The following ZFC3H1 variants were observed in gnomAD, a reference collection of about 807,000 sequenced individuals.
ZFC3H1 encodes the protein zinc finger C3H1-type containing, also known as zinc finger C3H1 domain-containing protein.
In ZFC3H1, 71 loss-of-function variants were observed where a neutral mutation model predicts 243.7. The observed-to-expected ratio is 0.29, with a 90% confidence interval of 0.24 to 0.36. ZFC3H1 has a LOEUF of 0.36. Among genes scored for constraint, ZFC3H1 ranks in the 10% least tolerant of loss-of-function variants. ZFC3H1 has a pLI of 1.00. For synonymous variants in ZFC3H1, 838 were observed against 813.0 expected, an observed-to-expected ratio of 1.03 and a Z score of -0.52; for missense variants, 1,966 against 2,317.1, an observed-to-expected ratio of 0.85 and a Z score of 3.11.
intron 6 of ZFC3H1, among the ~76,000 whole-genome samples, chr12:71,641,860 T>TA (rs1565820568): frequency 1.3e-5 from 2 of 152,228 alleles, no homozygotes; most frequent in Non-Finnish European, 2.9e-5. Flanking sequence ...CTTCACTTTT[T>TA]ATTTTTTGAG....
At chr12:71,637,575 AAACT>A (rs1434655592) in intron 7 of ZFC3H1, among the ~76,000 whole-genome samples, 2 of 152,248 alleles carry the variant, frequency 1.3e-5, no homozygotes, top group African/African-American at 4.8e-5. Flanking sequence ...TCTATAAAGG[AAACT>A]AATTTTACAC....
At chr12:71,611,950 C>T in intron 31 of ZFC3H1, 63 bp from the exon 32 acceptor site, 1 of 948,120 alleles carries the variant, frequency 1.1e-6, no homozygotes, top group Non-Finnish European at 1.6e-6. Context: ...CAAATGTGCT[C>T]TATGAGCACA....
At chr12:71,658,282 A>ATTTTT (rs11454442) in intron 1 of ZFC3H1, among the ~76,000 whole-genome samples, 42 of 92,816 alleles carry the variant, frequency 4.5e-4, no homozygotes, top group South Asian at 8.1e-4. Context: ...TCATTTATAG[A>ATTTTT]TTTTTTTTTT....
At chr12:71,611,356 A>G in intron 32 of ZFC3H1, 1 of 269,676 alleles carries the variant, frequency 3.7e-6, no homozygotes, top group Non-Finnish European at 6.7e-6. Context: ...AGAAAAAAAA[A>G]ACAACAACAA....
In ZFC3H1 at chr12:71,611,724, T is replaced by C. The variant is rs572053852; in HGVS notation, c.5729+62A>G. The C allele has an allele frequency of 1.2e-5, 11 of 910,000 alleles. No homozygotes were observed. In the South Asian group the frequency reaches 1.4e-4, roughly 11 times the overall value. The allele number at this position is 910,000 out of a possible 1,614,324, so 56.4% of individuals were successfully genotyped here. A position where few individuals can be genotyped will look rare whatever the true frequency, so the allele number is the denominator to read the frequency against. The stretch of plus-strand genomic sequence containing the variant: ...AGATGTCATTTCAGATTTACCTGTC[T>C]GGAGCAAACCTTATAAATAAAAGCA... On this transcript the variant is annotated intron_variant, in intron 32 of 34. Transcript: ENST00000378743.
Position 71,626,456 on chromosome 12 carries a change from TAAAAG to T in ZFC3H1, c.4131-15_4131-11del. 2 of 1,579,806 alleles carry T rather than the reference TAAAAG, an allele frequency of 1.3e-6. No homozygotes were observed. Among genetic ancestry groups the T allele is most frequent in the Non-Finnish European group, 1.7e-6 (2 of 1,162,384 alleles). On this transcript the variant is annotated splice_polypyrimidine_tract_variant and intron_variant, in intron 21 of 34. Transcript: ENST00000378743. ...GGATTCTGAGCACTCCCTGTATATA[TAAAAG>T]AAAAGGTGGAAGTGCTTTTTAGAAC...
chr12:71,627,636 C>T (rs1880202664), intron 21 of ZFC3H1, 115 bp downstream of exon 21: 5 of 983,008 alleles, frequency 5.1e-6, no homozygotes, highest in African/African-American at 1.7e-5. Flanking sequence ...TGTCAAAAAA[C>T]AAAGACTCCA....
intron 31 of ZFC3H1, among the ~76,000 whole-genome samples, chr12:71,612,913 T>G (rs1460658257): frequency 6.6e-6 from 1 of 152,172 alleles, no homozygotes; most frequent in Non-Finnish European, 1.5e-5. Flanking sequence ...AGGTCAGGAA[T>G]CTACATTTTA....
At chr12:71,611,698 TAG>T in intron 32 of ZFC3H1, 86 bp downstream of exon 32, 22 of 341,488 alleles carry the variant, frequency 6.4e-5, no homozygotes, top group Non-Finnish European at 7.5e-5. Flanking sequence ...TATATATATA[TAG>T]ATGTCATTTC....
In ZFC3H1 at chr12:71,663,494, C is replaced by G; in HGVS notation, c.117G>C (p.Arg39=). 1.2e-6 allele frequency: 2 copies of G among 1,613,358 alleles called. No individual in the cohort carries two copies. The highest frequency in any genetic ancestry group is 1.7e-6 in the Non-Finnish European group (2 of 1,180,008). ...DDDNNSQIRS[R]SSSSSSGGGL... is the part of the protein sequence containing the mutation. ...CGCCGCCGCTGCTGCTGCTGCTGCT[C>G]CGACTCCGTATCTGGCTGTTATTAT... Residue 39 remains arginine, a synonymous_variant, in exon 1 of 35, where the codon CGG becomes CGC. Coordinates refer to ENST00000378743, the MANE Select transcript of ZFC3H1 (RefSeq NM_144982.5).
At chr12:71,627,448 T>C (rs1220738326) in intron 21 of ZFC3H1, among the ~76,000 whole-genome samples, 1 of 152,122 alleles carries the variant, frequency 6.6e-6, no homozygotes, top group Admixed American at 6.5e-5. Context: ...TAAAAAACAA[T>C]CAACCATTCC....
intron 3 of ZFC3H1, 139 bp downstream of exon 3, chr12:71,647,610 G>C (rs1030921878): frequency 9.4e-6 from 5 of 531,344 alleles, no homozygotes; most frequent in Non-Finnish European, 1.6e-5. Flanking sequence ...TTTCTTTAAG[G>C]CTTATGTCCA....
rs374975834 is a variant in ZFC3H1, at chr12:71,658,820, C to A, written c.599-1519G>T. ...TCTAGTAAATCTCTGGTTCTCTGAT[C>A]TCTTCAAAGCCAAGTATCCTGAAAG... On this transcript the variant is annotated intron_variant, in intron 1 of 34. Coordinates refer to ENST00000378743, the MANE Select transcript of ZFC3H1 (RefSeq NM_144982.5). 1.2e-4 allele frequency among the ~76,000 whole-genome samples: 18 copies of A among 152,312 alleles called. No homozygotes were observed. In the East Asian group the frequency reaches 3.1e-3, roughly 26 times the overall value.
intron 6 of ZFC3H1, 80 bp from the exon 7 acceptor site, chr12:71,638,595 G>A: frequency 8.4e-7 from 1 of 1,191,298 alleles, no homozygotes; most frequent in South Asian, 1.5e-5. Context: ...TATGTTTGAA[G>A]AAATACATCT....
At chr12:71,634,648 A>C in intron 11 of ZFC3H1, 56 bp downstream of exon 11, 14 of 1,527,938 alleles carry the variant, frequency 9.2e-6, no homozygotes, top group Non-Finnish European at 1.1e-5. Flanking sequence ...ACTCTATAAG[A>C]GAAGTTTTGA....
intron 2 of ZFC3H1, among the ~76,000 whole-genome samples, chr12:71,650,749 T>C (rs892480698): frequency 2.6e-5 from 4 of 152,178 alleles, no homozygotes; most frequent in African/African-American, 9.7e-5. Flanking sequence ...CTACCCCCAA[T>C]AGAATATTCT....
At position 71,662,447 on chromosome 12, in the gene ZFC3H1, G is replaced by T. The variant is rs764215124; in HGVS notation, c.598+566C>A. Reference sequence around the variant, plus strand: ...CCAAAAAGATCAAATGAATCAAAAAGCTCTGAAACAGACTTGGTAAAGACA... The same window carrying T: ...CCAAAAAGATCAAATGAATCAAAAATCTCTGAAACAGACTTGGTAAAGACA... On this transcript the variant is annotated intron_variant, in intron 1 of 34. Coordinates refer to ENST00000378743, the MANE Select transcript of ZFC3H1 (RefSeq NM_144982.5). Among the ~76,000 whole-genome samples, 5 of 150,918 alleles carry T rather than the reference G, an allele frequency of 3.3e-5. No individual in the cohort carries two copies. The South Asian group carries it at 1.0e-3, about 31-fold the overall frequency.
chr12:71,660,165 A>G (rs1881127811), intron 1 of ZFC3H1: 1 of 152,250 alleles, frequency 6.6e-6, no homozygotes, highest in Non-Finnish European at 1.5e-5. Flanking sequence ...TTCTTTATAC[A>G]GTATTTGTAA....
intron 18 of ZFC3H1, 67 bp from the exon 19 acceptor site, chr12:71,629,777 A>G: frequency 9.7e-7 from 1 of 1,032,824 alleles, no homozygotes; most frequent in Non-Finnish European, 1.5e-6. Flanking sequence ...ATTAAAATGT[A>G]TGACGTGAAC....
Sources: gnomAD v4.1 joint callset for allele counts (sites outside exome capture counted in the v4.1 genomes callset) on GRCh38, gnomAD v4.1.1 for gene constraint, MANE v1.5 for transcripts, NCBI Gene and HGNC (gene_info 2026-07-23, HGNC 2026-07-21) for gene names.